The following MLPH variants were observed in gnomAD, a reference collection of about 807,000 sequenced individuals.
MLPH encodes exophilin-3.
A neutral mutation model predicts 72.1 loss-of-function variants in MLPH; 51 were observed. The ratio of observed to expected loss-of-function variants is 0.71; its 90% CI spans 0.56 to 0.89. The LOEUF is 0.89. Among genes scored for constraint, MLPH ranks in the 40% least tolerant of loss-of-function variants. The probability of loss-of-function intolerance (pLI) is 0.00; values close to 1 mark genes in which losing one functional copy is unlikely to be tolerated. For synonymous variants in MLPH, 301 were observed against 310.1 expected (o/e 0.97, Z 0.31); for missense variants, 743 against 759.9 (o/e 0.98, Z 0.26).
chr2:237,519,906 T>C lies in MLPH; in HGVS notation c.556-4T>C, dbSNP rs2080142047. 6.2e-7 allele frequency: 1 copy of C among 1,613,752 alleles called. No individual in the cohort carries two copies. The highest frequency in any genetic ancestry group is 1.1e-5 in the South Asian group (1 of 91,084). ...GAGTCTTGCCCTGTCTTGTGCCTGC[T>C]AAGAAAAAGCGCCTCCTCTCCGTCC... is the stretch of plus-strand genomic sequence containing the variant. On this transcript the variant is annotated splice_region_variant and splice_polypyrimidine_tract_variant and intron_variant, in intron 5 of 15. Coordinates refer to ENST00000264605, the MANE Select transcript of MLPH (RefSeq NM_024101.7).
intron 2 of MLPH, among the ~76,000 whole-genome samples, chr2:237,504,022 AG>A (rs562945323): frequency 1.2e-3 from 181 of 152,216 alleles, no homozygotes; most frequent in Non-Finnish European, 2.3e-3. Flanking sequence ...AGATGGAGAA[AG>A]GGGCCAGGAG....
At chr2:237,553,313 A>T in intron 15 of MLPH, 1 of 604,278 alleles carries the variant, frequency 1.7e-6, no homozygotes, top group Non-Finnish European at 3.0e-6. Context: ...TTCCTCAGGC[A>T]TGGAGAGGTG....
At chr2:237,550,992 C>A (rs933549401) in intron 14 of MLPH, among the ~76,000 whole-genome samples, 3 of 152,254 alleles carry the variant, frequency 2.0e-5, no homozygotes, top group African/African-American at 7.2e-5. Flanking sequence ...CCCCGGCCCC[C>A]TGAAGCTCAC....
At chr2:237,491,968 A>G (rs2061552044) in intron 1 of MLPH, among the ~76,000 whole-genome samples, 1 of 152,200 alleles carries the variant, frequency 6.6e-6, no homozygotes, top group African/African-American at 2.4e-5. Flanking sequence ...TTTGCTACTC[A>G]GAGGGGTCTG....
rs2080696385 is a variant in MLPH at position 237,541,927 on chromosome 2, G to A, written c.1447-640G>A. Among the ~76,000 whole-genome samples the A allele has an allele frequency of 6.6e-6, 1 of 152,222 alleles. No individual in the cohort carries two copies. Among genetic ancestry groups the A allele is most frequent in the South Asian group, 2.1e-4 (1 of 4,828 alleles). ...AGTAAGCCAGCCTGGCAAATCCAGG[G>A]GGCAGGAGGCCGGGTGGAGGGAGCA... On this transcript the variant is annotated intron_variant, in intron 11 of 15. Coordinates refer to ENST00000264605, the MANE Select transcript of MLPH (RefSeq NM_024101.7). This position sits in a 1 kb window ranked among gnomAD's most constrained non-coding sequence, Gnocchi z 5.1.
In MLPH at chr2:237,552,378, G is replaced by A. The variant is rs2149167798; in HGVS notation, c.1717G>A (p.Gly573Ser). The A allele has an allele frequency of 6.2e-7, 1 of 1,614,130 alleles. No individual in the cohort carries two copies. Among genetic ancestry groups the A allele is most frequent in the East Asian group, 2.2e-5 (1 of 44,888 alleles). Residue 573 changes from glycine to serine, a missense_variant, in exon 15 of 16, where the codon GGC (glycine) becomes AGC (serine). By Grantham distance (56) the Gly-to-Ser change is moderately conservative (BLOSUM62 0). Transcript: ENST00000264605. ...TTTTGATCGGAAATCAGTGTACCGA[G>A]GCTCGCTGACACAGAGAAACCCCAA... is the stretch of plus-strand genomic sequence containing the variant. ...DSFDRKSVYRGSLTQRNPNAR... is the reference protein window; with the variant it reads ...DSFDRKSVYRSSLTQRNPNAR...
intron 2 of MLPH, among the ~76,000 whole-genome samples, chr2:237,506,435 G>A (rs2079772989): frequency 1.3e-5 from 2 of 152,174 alleles, no homozygotes; most frequent in African/African-American, 4.8e-5. Context: ...ATTCAGCTGG[G>A]AGCATCGGCA....
At chr2:237,520,807 T>C (rs1384801230) in intron 6 of MLPH, among the ~76,000 whole-genome samples, 4 of 152,240 alleles carry the variant, frequency 2.6e-5, no homozygotes, top group Non-Finnish European at 5.9e-5. Flanking sequence ...GTCTTTGGTA[T>C]AGACTTTTCT....
intron 1 of MLPH, among the ~76,000 whole-genome samples, chr2:237,490,019 T>G (rs2079397052): frequency 6.6e-6 from 1 of 152,174 alleles, no homozygotes; most frequent in African/African-American, 2.4e-5. Flanking sequence ...GTTTAAAATA[T>G]GATCGAATCT....
chr2:237,492,462 T>TA (rs397961915), intron 1 of MLPH, among the ~76,000 whole-genome samples: 26,538 of 132,098 alleles, frequency 0.2, 2,793 homozygotes, highest in African/African-American at 0.3. Context: ...AACTCGTCTC[T>TA]AAAAAAAAAA....
intron 9 of MLPH, 86 bp downstream of exon 9, chr2:237,534,733 AAG>A: frequency 5.3e-6 from 6 of 1,127,782 alleles, no homozygotes; most frequent in Non-Finnish European, 8.1e-6. Flanking sequence ...CTTTTGGGAG[AAG>A]AGTTTCTTGA....
rs534304274 is a variant in MLPH, at chr2:237,512,040, C to T, written c.445+939C>T. ...CCACCAAGCCAGGTGTCTGGGGTCT[C>T]AGTGTCCTGGATGACTCCATCTGCA... On this transcript the variant is annotated intron_variant, in intron 4 of 15. Coordinates refer to ENST00000264605, the MANE Select transcript of MLPH (RefSeq NM_024101.7). The surrounding 1 kb of genome is among the most constrained non-coding windows in gnomAD (Gnocchi z 5.5). Among the ~76,000 whole-genome samples, 1 of 152,370 alleles carries T rather than the reference C, an allele frequency of 6.6e-6. No homozygotes were observed. The highest frequency in any genetic ancestry group is 2.1e-4 in the South Asian group (1 of 4,826).
intron 9 of MLPH, 21 bp downstream of exon 9, chr2:237,534,668 A>G: frequency 6.3e-7 from 1 of 1,592,918 alleles, no homozygotes; most frequent in Non-Finnish European, 8.6e-7. Context: ...GGGCTGGGCA[A>G]AGAGAAAGGG....
intron 2 of MLPH, among the ~76,000 whole-genome samples, chr2:237,499,095 T>C (rs2079595178): frequency 6.6e-6 from 1 of 151,644 alleles, no homozygotes; most frequent in Admixed American, 6.5e-5. Context: ...GTTTCGTCCA[T>C]ATGCTTTCAT....
intron 2 of MLPH, among the ~76,000 whole-genome samples, chr2:237,502,623 G>A (rs1275820944): frequency 1.3e-5 from 2 of 152,140 alleles, no homozygotes; most frequent in Non-Finnish European, 2.9e-5. Context: ...CATGCCCTGG[G>A]GGAAAGGCTG....
chr2:237,521,682 CT>C lies in MLPH; in HGVS notation c.675+1657del, dbSNP rs113081231. ...ATGTAAAGGTTTGGATTGATAGATTCTTTTCTATTGAAGGGTAGAAGCAGAT... is the reference window on the plus strand; with the variant it reads ...ATGTAAAGGTTTGGATTGATAGATTCTTTCTATTGAAGGGTAGAAGCAGAT... On this transcript the variant is annotated intron_variant, in intron 6 of 15. Coordinates refer to ENST00000264605, the MANE Select transcript of MLPH (RefSeq NM_024101.7). Among the ~76,000 whole-genome samples, 115 of 152,226 alleles carry C rather than the reference CT, an allele frequency of 7.6e-4. No homozygotes were observed. The Middle Eastern group carries it at 0.01, about 14-fold the overall frequency.
At chr2:237,494,726 G>A (rs2079500437) in intron 2 of MLPH, among the ~76,000 whole-genome samples, 1 of 152,194 alleles carries the variant, frequency 6.6e-6, no homozygotes, top group South Asian at 2.1e-4. Flanking sequence ...AATGTTTCAG[G>A]CATGTTGAAG....
chr2:237,496,296 C>G (rs560567108), intron 2 of MLPH, among the ~76,000 whole-genome samples: 46 of 152,278 alleles, frequency 3.0e-4, no homozygotes, highest in African/African-American at 9.9e-4. Context: ...CAAGTGGGGC[C>G]TGGGGGTCCC....
In MLPH at chr2:237,541,709, A is replaced by C. The variant is rs1559371406; in HGVS notation, c.1446+752A>C. Among the ~76,000 whole-genome samples, 1 of 152,240 alleles carries C rather than the reference A, an allele frequency of 6.6e-6. No individual in the cohort carries two copies. The highest frequency in any genetic ancestry group is 1.9e-4 in the East Asian group (1 of 5,198). On this transcript the variant is annotated intron_variant, in intron 11 of 15. Transcript: ENST00000264605. This position sits in a 1 kb window ranked among gnomAD's most constrained non-coding sequence, Gnocchi z 5.1. ...TAGCCCACATTGTGTAGGCCACGGA[A>C]GATCTGGTGCAAATACCTTAGACGA... is the stretch of plus-strand genomic sequence containing the variant.
Sources: allele counts gnomAD v4.1 joint callset (sites outside exome capture counted in the v4.1 genomes callset), GRCh38; gene constraint gnomAD v4.1.1; non-coding constraint Gnocchi (gnomAD v3.1); transcripts MANE v1.5; gene names NCBI Gene and HGNC (gene_info 2026-07-23, HGNC 2026-07-21).